Variants in LRRIQ1 observed in about 807,000 individuals in gnomAD.
The protein encoded by LRRIQ1 is leucine rich repeats and IQ motif containing 1.
LRRIQ1 carries 210 observed loss-of-function variants against 211.9 expected under a neutral mutation model. The ratio of observed to expected loss-of-function variants is 0.99; its 90% CI spans 0.89 to 1.11. The LOEUF (loss-of-function observed/expected upper bound fraction) is 1.11. Ranked by LOEUF, LRRIQ1 falls within the 50% of genes most tolerant of loss-of-function variation. LRRIQ1 has a pLI of 0.00. For synonymous variants in LRRIQ1, 699 were observed against 650.1 expected, an observed-to-expected ratio of 1.08 and a Z score of -1.14; for missense variants, 2,136 against 1,939.5, an observed-to-expected ratio of 1.10 and a Z score of -1.90.
At chr12:85,046,569 A>G (rs1367055263) in intron 5 of LRRIQ1, among the ~76,000 whole-genome samples, 10 of 152,190 alleles carry the variant, frequency 6.6e-5, no homozygotes, top group Admixed American at 5.2e-4. Context: ...CTTTGGGAAT[A>G]TGTTAACATT....
intron 17 of LRRIQ1, chr12:85,124,763 T>A (rs1888251452): frequency 2.6e-6 from 1 of 382,612 alleles, no homozygotes; most frequent in South Asian, 3.3e-5. Context: ...TGAGTAAATG[T>A]GAGTTTTTTT....
chr12:85,172,919 G>A (rs1293525307), intron 24 of LRRIQ1, among the ~76,000 whole-genome samples: 1 of 151,652 alleles, frequency 6.6e-6, no homozygotes, highest in African/African-American at 2.4e-5. Flanking sequence ...CCATCCTGGT[G>A]AACATGGTGA....
intron 14 of LRRIQ1, among the ~76,000 whole-genome samples, chr12:85,105,147 T>C (rs1886676844): frequency 6.6e-6 from 1 of 152,162 alleles, no homozygotes; most frequent in African/African-American, 2.4e-5. Flanking sequence ...GACATCATTG[T>C]CTTATAAATT....
intron 18 of LRRIQ1, among the ~76,000 whole-genome samples, chr12:85,135,550 C>T (rs879892887): frequency 2.6e-5 from 4 of 151,744 alleles, no homozygotes; most frequent in Admixed American, 2.0e-4. Context: ...TCCTAAGGTA[C>T]AGTTCAAATT....
intron 24 of LRRIQ1, among the ~76,000 whole-genome samples, chr12:85,210,389 A>G (rs1893782640): frequency 6.6e-6 from 1 of 152,224 alleles, no homozygotes; most frequent in South Asian, 2.1e-4. Flanking sequence ...CCACGCTGCA[A>G]AAGGATGATA....
intron 1 of LRRIQ1, among the ~76,000 whole-genome samples, chr12:85,255,341 T>A (rs1896057471): frequency 6.6e-6 from 1 of 151,874 alleles, no homozygotes; most frequent in South Asian, 2.1e-4. Flanking sequence ...ATATCCACTA[T>A]CTATGTCAAT....
At chr12:85,105,491 T>A (rs1192111629) in intron 14 of LRRIQ1, among the ~76,000 whole-genome samples, 1 of 152,168 alleles carries the variant, frequency 6.6e-6, no homozygotes, top group East Asian at 1.9e-4. Flanking sequence ...AAAAATTGTT[T>A]TACATTTTGT....
chr12:85,176,015 T>G (rs1310540682), intron 24 of LRRIQ1, among the ~76,000 whole-genome samples: 4 of 152,162 alleles, frequency 2.6e-5, no homozygotes, highest in Non-Finnish European at 5.9e-5. Flanking sequence ...ATATGAACTT[T>G]AAAGTAGTTT....
intron 10 of LRRIQ1, among the ~76,000 whole-genome samples, chr12:85,070,829 A>T (rs1043706993): frequency 6.6e-6 from 1 of 151,888 alleles, no homozygotes; most frequent in Non-Finnish European, 1.5e-5. Flanking sequence ...GCCATATCTT[A>T]TCCATAAAAT....
intron 24 of LRRIQ1, among the ~76,000 whole-genome samples, chr12:85,224,937 A>G (rs963863599): frequency 6.6e-6 from 1 of 152,106 alleles, no homozygotes; most frequent in Non-Finnish European, 1.5e-5. Context: ...AGATCATAGT[A>G]TAAAACCATG....
At chr12:85,140,428 T>G (rs1023395106) in intron 19 of LRRIQ1, among the ~76,000 whole-genome samples, 9 of 151,416 alleles carry the variant, frequency 5.9e-5, no homozygotes, top group African/African-American at 2.2e-4. Context: ...TACAATTTAT[T>G]TTTGTATATT....
rs1276607811 is a variant in LRRIQ1 at position 85,193,644 on chromosome 12, A to G, written c.4822+32930A>G. ...TGCTGAGAGATTTTGTCACCACCAG[A>G]CCTGCCTTACAAGAGCTCCTAAAGG... On this transcript the variant is annotated intron_variant, in intron 24 of 26. Transcript: ENST00000393217. 4.6e-5 allele frequency among the ~76,000 whole-genome samples: 7 copies of G among 152,042 alleles called. No homozygotes were observed. The South Asian group carries it at 6.3e-4, about 14-fold the overall frequency.
chr12:85,196,767 G>A (rs1418744733), intron 24 of LRRIQ1, among the ~76,000 whole-genome samples: 1 of 151,296 alleles, frequency 6.6e-6, no homozygotes, highest in Non-Finnish European at 1.5e-5. Context: ...ATAGGCATGG[G>A]CAAGGACTTC....
intron 8 of LRRIQ1, among the ~76,000 whole-genome samples, chr12:85,061,673 G>T (rs1045345004): frequency 2.0e-5 from 3 of 151,670 alleles, no homozygotes; most frequent in Non-Finnish European, 3.0e-5. Flanking sequence ...TTCAATTCTT[G>T]AGTGCTCAAT....
At chr12:85,235,511 C>G (rs1368485261) in intron 26 of LRRIQ1, among the ~76,000 whole-genome samples, 6 of 152,270 alleles carry the variant, frequency 3.9e-5, no homozygotes, top group Non-Finnish European at 8.8e-5. Context: ...GTTGTCCTAG[C>G]TTGAGGCAAG....
chr12:85,198,434 T>C (rs949595804), intron 24 of LRRIQ1, among the ~76,000 whole-genome samples: 4 of 151,942 alleles, frequency 2.6e-5, no homozygotes, highest in African/African-American at 9.7e-5. Context: ...CAGCAGTGTA[T>C]ATGCATTTCC....
chr12:85,120,540 A>G lies in LRRIQ1; in HGVS notation c.3378-1157A>G, dbSNP rs576740172. On this transcript the variant is annotated intron_variant, in intron 15 of 26. Coordinates refer to ENST00000393217, the MANE Select transcript of LRRIQ1 (RefSeq NM_001079910.2). ...TTTTACCTCTCTATATAAACTTTAG[A>G]AACACTTTGTTGATATCCACAAAAT... Among the ~76,000 whole-genome samples the G allele has an allele frequency of 2.6e-5, 4 of 152,326 alleles. No individual in the cohort carries two copies. In the South Asian group the frequency reaches 8.3e-4, roughly 32 times the overall value.
intron 13 of LRRIQ1, 45 bp from the exon 14 acceptor site, chr12:85,103,959 C>G: frequency 8.4e-7 from 1 of 1,187,088 alleles, no homozygotes; most frequent in Non-Finnish European, 1.2e-6. Flanking sequence ...ACATTAAGGA[C>G]TTTCCAATTT....
chr12:85,169,846 T>C (rs1197132290), intron 24 of LRRIQ1, among the ~76,000 whole-genome samples: 6 of 152,284 alleles, frequency 3.9e-5, no homozygotes, highest in East Asian at 1.9e-4. Flanking sequence ...TTTATTCTTA[T>C]ATCCTCAGCA....
Sources: allele counts gnomAD v4.1 joint callset (sites outside exome capture counted in the v4.1 genomes callset), GRCh38; gene constraint gnomAD v4.1.1; transcripts MANE v1.5; gene names NCBI Gene and HGNC (gene_info 2026-07-23, HGNC 2026-07-21).